Variants in C1orf141 observed in about 807,000 individuals in gnomAD.
C1orf141 encodes uncharacterized protein C1orf141.
C1orf141 carries 19 observed loss-of-function variants against 23.2 expected under a neutral mutation model. The observed-to-expected ratio is 0.82, with a 90% confidence interval of 0.57 to 1.20. The LOEUF (loss-of-function observed/expected upper bound fraction) is 1.20. C1orf141 is among the 50% of genes most tolerant of loss of function. C1orf141 has a pLI of 0.00. For missense variants in C1orf141, 469 were observed against 455.1 expected (o/e 1.03, Z -0.28); for synonymous variants, 153 against 154.6 (o/e 0.99, Z 0.08).
chr1:67,116,705 C>T (rs1276416986), intron 4 of C1orf141, among the ~76,000 whole-genome samples: 4 of 152,054 alleles, frequency 2.6e-5, no homozygotes, highest in East Asian at 1.9e-4. Flanking sequence ...TCCACATGAA[C>T]GCTGAGCAAA....
rs531723128 is a variant in C1orf141 at position 67,108,915 on chromosome 1, A to T, written c.346+6437T>A. ...ATTCCTGAAAGAATGGCCATAATTT[A>T]AAAATTTTTTAAAAAATAGACCTTG... On this transcript the variant is annotated intron_variant, in intron 5 of 7. Coordinates refer to ENST00000684719, the MANE Select transcript of C1orf141 (RefSeq NM_001276351.2). 2.0e-5 allele frequency among the ~76,000 whole-genome samples: 3 copies of T among 152,328 alleles called. No homozygotes were observed. The South Asian group carries it at 6.2e-4, about 32-fold the overall frequency.
chr1:67,132,364 C>CA (rs1441787973), intron 1 of C1orf141, among the ~76,000 whole-genome samples: 10 of 150,898 alleles, frequency 6.6e-5, no homozygotes, highest in East Asian at 2.0e-4. Context: ...ACTAAAAATA[C>CA]AAAAAAAAAT....
At chr1:67,108,186 A>G (rs530534847) in intron 5 of C1orf141, among the ~76,000 whole-genome samples, 31 of 152,332 alleles carry the variant, frequency 2.0e-4, no homozygotes, top group African/African-American at 7.5e-4. Flanking sequence ...TAATAGAAAT[A>G]ATAAAAATTT....
Position 67,093,555 on chromosome 1 carries a change from C to T in C1orf141, c.653G>A (p.Arg218Gln), listed in dbSNP as rs760295992. The T allele has an allele frequency of 2.5e-6, 4 of 1,597,918 alleles. No individual in the cohort carries two copies. Among genetic ancestry groups the T allele is most frequent in the Admixed American group, 3.4e-5 (2 of 58,480 alleles). The change falls in exon 8 of 8, where the codon CGA (arginine) becomes CAA (glutamine). Residue 218 changes from arginine (R) to glutamine (Q), a missense_variant. Arg to Gln is a conservative substitution (Grantham distance 43). Transcript: ENST00000684719. ...PIIFHDTEYV[R>Q]MLLLTKNRFS... ...TCTATTTTTTGTCAAAAGTAACATTCGTACATATTCTGTGTCATGGAAAAT... is the reference window on the plus strand; with the variant it reads ...TCTATTTTTTGTCAAAAGTAACATTTGTACATATTCTGTGTCATGGAAAAT...
At chr1:67,130,374 A>G (rs1646495240) in intron 2 of C1orf141, among the ~76,000 whole-genome samples, 1 of 152,224 alleles carries the variant, frequency 6.6e-6, no homozygotes, top group African/African-American at 2.4e-5. Context: ...TATAAACTAC[A>G]TGAGGGCCAG....
chr1:67,098,653 T>G (rs1221285598), intron 5 of C1orf141, among the ~76,000 whole-genome samples: 1 of 152,224 alleles, frequency 6.6e-6, no homozygotes, highest in East Asian at 1.9e-4. Context: ...CATCTTAAGA[T>G]ATACACCTCA....
upstream of C1orf141, among the ~76,000 whole-genome samples, chr1:67,135,238 T>G (rs1646575219): frequency 6.6e-6 from 1 of 152,244 alleles, no homozygotes; most frequent in African/African-American, 2.4e-5. Flanking sequence ...TTGTTTCCCC[T>G]TATTGTACCT....
intron 5 of C1orf141, among the ~76,000 whole-genome samples, chr1:67,096,798 T>C (rs1156290000): frequency 6.6e-6 from 1 of 152,192 alleles, no homozygotes; most frequent in Non-Finnish European, 1.5e-5. Flanking sequence ...TAGTAACAGT[T>C]TTAGCTTTTA....
upstream of C1orf141, among the ~76,000 whole-genome samples, chr1:67,139,908 G>T (rs1463535969): frequency 6.6e-6 from 1 of 152,214 alleles, no homozygotes; most frequent in East Asian, 1.9e-4. Flanking sequence ...AATGAATTAT[G>T]GGTTAACAGA....
chr1:67,105,449 T>A (rs938606984), intron 5 of C1orf141, among the ~76,000 whole-genome samples: 2 of 151,678 alleles, frequency 1.3e-5, no homozygotes, highest in African/African-American at 4.8e-5. Flanking sequence ...AACAGTAACA[T>A]CTATCACCAC....
upstream of C1orf141, among the ~76,000 whole-genome samples, chr1:67,138,692 A>G (rs1646606261): frequency 6.6e-6 from 1 of 152,200 alleles, no homozygotes; most frequent in Non-Finnish European, 1.5e-5. Flanking sequence ...CAGCAAACCC[A>G]TGGTACAGAA....
At chr1:67,122,084 T>A (rs2102483034) in intron 4 of C1orf141, 1 of 152,458 alleles carries the variant, frequency 6.6e-6, no homozygotes, top group South Asian at 2.1e-4. Flanking sequence ...GTGCCCAGGC[T>A]GGAGTGCAAT....
upstream of C1orf141, among the ~76,000 whole-genome samples, chr1:67,138,156 C>CCAA (rs1646602114): frequency 6.6e-6 from 1 of 152,206 alleles, no homozygotes; most frequent in South Asian, 2.1e-4. Flanking sequence ...ATCCATTAAG[C>CCAA]CAATAGTTTT....
intron 4 of C1orf141, among the ~76,000 whole-genome samples, chr1:67,124,517 C>T (rs1433481000): frequency 1.9e-4 from 29 of 152,100 alleles, no homozygotes. Context: ...CAGGGTTTCA[C>T]CATGTTGCTC....
At chr1:67,141,432 A>AG (rs1303056029) in intron 1 of C1orf141, among the ~76,000 whole-genome samples, 3 of 151,946 alleles carry the variant, frequency 2.0e-5, no homozygotes, top group Non-Finnish European at 2.9e-5. Context: ...AAAAAAAAAA[A>AG]GTTTGAAATT....
chr1:67,114,494 A>G (rs1434999178), intron 5 of C1orf141, among the ~76,000 whole-genome samples: 4 of 152,228 alleles, frequency 2.6e-5, no homozygotes, highest in African/African-American at 9.6e-5. Flanking sequence ...TATGAAGCAT[A>G]ATAGAGAAAT....
chr1:67,129,887 T>A (rs1646486474), intron 2 of C1orf141, among the ~76,000 whole-genome samples: 1 of 152,194 alleles, frequency 6.6e-6, no homozygotes, highest in South Asian at 2.1e-4. Context: ...TCTAACCTAT[T>A]CTTTGTTCTT....
At chr1:67,133,695 TAAG>T (rs1297991814) in intron 1 of C1orf141, among the ~76,000 whole-genome samples, 4 of 152,066 alleles carry the variant, frequency 2.6e-5, no homozygotes, top group African/African-American at 7.2e-5. Flanking sequence ...TGGTGTCATA[TAAG>T]AAGAGGAGAT....
At chr1:67,095,523 C>T in intron 6 of C1orf141, 102 bp from the exon 7 acceptor site, 2 of 636,230 alleles carry the variant, frequency 3.1e-6, no homozygotes, top group South Asian at 2.3e-5. Context: ...CCAACTTCTG[C>T]ACCAACCTCT....
Sources: gnomAD v4.1 joint callset for allele counts (sites outside exome capture counted in the v4.1 genomes callset) on GRCh38, gnomAD v4.1.1 for gene constraint, MANE v1.5 for transcripts, NCBI Gene and HGNC (gene_info 2026-07-23, HGNC 2026-07-21) for gene names.